Variants in NIPBL observed in about 807,000 individuals in gnomAD.
NIPBL encodes NIPBL cohesin loading factor.
In NIPBL, 19 loss-of-function variants were observed where a neutral mutation model predicts 321.8. That is an observed-to-expected ratio of 0.06 (90% CI 0.04 to 0.09). The LOEUF (loss-of-function observed/expected upper bound fraction) is 0.09. Among genes scored for constraint, NIPBL ranks in the 10% least tolerant of loss-of-function variants. The probability of loss-of-function intolerance (pLI) is 1.00; values close to 1 mark genes in which losing one functional copy is unlikely to be tolerated. For missense variants in NIPBL, 2,210 were observed against 3,327.0 expected (o/e 0.66, Z 8.26); for synonymous variants, 1,106 against 1,114.1 (o/e 0.99, Z 0.14).
chr5:36,898,995 A>G (rs1484698686), intron 1 of NIPBL, among the ~76,000 whole-genome samples: 1 of 152,204 alleles, frequency 6.6e-6, no homozygotes, highest in Non-Finnish European at 1.5e-5. Context: ...TTAAAATTGG[A>G]TTTTGATTTT....
intron 34 of NIPBL, 26 bp downstream of exon 34, chr5:37,038,764 G>C (rs201321470): frequency 1.2e-4 from 190 of 1,608,352 alleles, no homozygotes; most frequent in Non-Finnish European, 1.6e-4. Context: ...TCTTATTCTT[G>C]TATCTTACAT....
intron 1 of NIPBL, among the ~76,000 whole-genome samples, chr5:36,938,276 G>A (rs1252621076): frequency 6.6e-5 from 10 of 151,954 alleles, no homozygotes; most frequent in Non-Finnish European, 1.2e-4. Flanking sequence ...GAAGTATTTA[G>A]GGGAATGAAC....
chr5:36,913,944 T>A (rs941598679), intron 1 of NIPBL, among the ~76,000 whole-genome samples: 2 of 152,230 alleles, frequency 1.3e-5, no homozygotes, highest in African/African-American at 4.8e-5. Flanking sequence ...TTAATACAAC[T>A]AGGGTTTATT....
chr5:37,064,383 C>T (rs966094758), intron 46 of NIPBL, 144 bp from the exon 47 acceptor site: 9 of 1,522,560 alleles, frequency 5.9e-6, no homozygotes, highest in Admixed American at 2.0e-5. Context: ...CTGGCGGTCA[C>T]GGTGCGTCTC....
intron 1 of NIPBL, among the ~76,000 whole-genome samples, chr5:36,925,544 G>A (rs159141): frequency 0.14 from 21,466 of 151,964 alleles, 1,884 homozygotes; most frequent in East Asian, 0.31. Flanking sequence ...GGTATTAAAG[G>A]CATGAGCCAC....
chr5:36,985,820 A>G lies in NIPBL; in HGVS notation c.2640A>G (p.Arg880=). The G allele has an allele frequency of 6.2e-7, 1 of 1,613,956 alleles. No homozygotes were observed. Among genetic ancestry groups the G allele is most frequent in the East Asian group, 2.2e-5 (1 of 44,874 alleles). The change falls in exon 10 of 47, where the codon AGA becomes AGG. Residue 880 remains arginine, a synonymous_variant. Coordinates refer to ENST00000282516, the MANE Select transcript of NIPBL (RefSeq NM_133433.4). The part of the protein sequence containing the change: ...HRHESGDSRE[R]PSSGEQKSRP... ...ATGAATCAGGGGACTCAAGGGAAAG[A>G]CCATCTTCTGGGGAACAAAAATCAA... is the stretch of plus-strand genomic sequence containing the variant.
intron 42 of NIPBL, among the ~76,000 whole-genome samples, chr5:37,053,143 G>A (rs905669786): frequency 3.3e-5 from 5 of 152,112 alleles, no homozygotes; most frequent in African/African-American, 4.8e-5. Flanking sequence ...ATAGTTAGGC[G>A]ATTTCTTTGT....
intron 10 of NIPBL, among the ~76,000 whole-genome samples, chr5:36,992,447 C>T (rs1292634610): frequency 6.6e-6 from 1 of 152,264 alleles, no homozygotes; most frequent in Non-Finnish European, 1.5e-5. Flanking sequence ...CCAATTATGT[C>T]ATACAGATAA....
intron 42 of NIPBL, among the ~76,000 whole-genome samples, 156 bp from the exon 43 acceptor site, chr5:37,057,030 T>G (rs1754167888): frequency 1.3e-5 from 2 of 151,992 alleles, no homozygotes; most frequent in African/African-American, 4.8e-5. Context: ...TCCCTCTGTC[T>G]CTCTGTGTCT....
intron 4 of NIPBL, among the ~76,000 whole-genome samples, chr5:36,959,300 C>T (rs1437454367): frequency 1.3e-5 from 2 of 152,218 alleles, no homozygotes; most frequent in East Asian, 1.9e-4. Flanking sequence ...GCTTCCCATT[C>T]TGTTTCCTTT....
At chr5:36,990,998 A>C (rs1361225989) in intron 10 of NIPBL, among the ~76,000 whole-genome samples, 1 of 152,082 alleles carries the variant, frequency 6.6e-6, no homozygotes, top group African/African-American at 2.4e-5. Flanking sequence ...TATTCTAAAA[A>C]AAAAAAATTT....
intron 32 of NIPBL, among the ~76,000 whole-genome samples, chr5:37,028,481 C>T (rs1750582086): frequency 6.6e-6 from 1 of 151,884 alleles, no homozygotes; most frequent in African/African-American, 2.4e-5. Flanking sequence ...GCTGGGGTTA[C>T]AGGCACTTGC....
At chr5:37,044,518 A>G (rs1402004287) in intron 35 of NIPBL, 31 bp downstream of exon 35, 2 of 1,608,630 alleles carry the variant, frequency 1.2e-6, no homozygotes, top group African/African-American at 2.7e-5. Flanking sequence ...TTCTTTATTC[A>G]TTAGTGTAAA....
intron 3 of NIPBL, among the ~76,000 whole-genome samples, chr5:36,956,543 GT>G (rs1044332098): frequency 3.3e-5 from 5 of 149,382 alleles, no homozygotes; most frequent in Non-Finnish European, 7.4e-5. Context: ...GAAATGATTG[GT>G]TAAAATCAGA....
intron 1 of NIPBL, among the ~76,000 whole-genome samples, chr5:36,887,417 A>G (rs1191994764): frequency 6.6e-6 from 1 of 152,208 alleles, no homozygotes; most frequent in Non-Finnish European, 1.5e-5. Context: ...CCTCTCTTCC[A>G]ATGATTAAAG....
chr5:37,049,287 A>T lies in NIPBL; in HGVS notation c.6940A>T (p.Ile2314Phe). Residue 2314 changes from isoleucine to phenylalanine, a missense_variant, in exon 40 of 47, where the codon ATT becomes TTT. This residue lies in a region of NIPBL where 112 missense variants were observed against 288.3 expected (regional missense o/e 0.39). Transcript: ENST00000282516. ...VIALTLNQGLIHPVQCVPYLI... is the reference protein window; with the variant it reads ...VIALTLNQGLFHPVQCVPYLI... ...TGCATTGACTCTAAATCAAGGTCTT[A>T]TTCATCCAGTTCAGGTAAGCATGTT... 1 of 1,614,090 alleles carries T rather than the reference A, an allele frequency of 6.2e-7. No homozygotes were observed. Among genetic ancestry groups the T allele is most frequent in the Non-Finnish European group, 8.5e-7 (1 of 1,179,984 alleles).
intron 8 of NIPBL, among the ~76,000 whole-genome samples, chr5:36,972,916 A>T (rs1305101505): frequency 6.6e-6 from 1 of 152,132 alleles, no homozygotes; most frequent in East Asian, 1.9e-4. Context: ...GCCCTCCCCT[A>T]ATCTCCTCAA....
chr5:37,058,433 A>G (rs1267436443), intron 43 of NIPBL, among the ~76,000 whole-genome samples: 4 of 152,224 alleles, frequency 2.6e-5, no homozygotes, highest in Non-Finnish European at 5.9e-5. Context: ...GTACAAAGAA[A>G]CAGGATTTAA....
rs1352529530 is a variant in NIPBL at position 36,933,431 on chromosome 5, T to G, written c.-79-20187T>G. On this transcript the variant is annotated intron_variant, in intron 1 of 46. Transcript: ENST00000282516. Reference sequence around the variant, plus strand: ...TATATAGTGGTTATTCAAAACTTACTCATATATTATTTGCTGACATCTGAT... The same window carrying G: ...TATATAGTGGTTATTCAAAACTTACGCATATATTATTTGCTGACATCTGAT... Among the ~76,000 whole-genome samples the G allele has an allele frequency of 3.3e-5, 5 of 152,244 alleles. No homozygotes were observed. The East Asian group carries it at 9.7e-4, about 29-fold the overall frequency.
Sources: gnomAD v4.1 joint callset for allele counts (sites outside exome capture counted in the v4.1 genomes callset) on GRCh38, gnomAD v4.1.1 for gene constraint, gnomAD v4.1.1 regional missense constraint, MANE v1.5 for transcripts, NCBI Gene and HGNC (gene_info 2026-07-23, HGNC 2026-07-21) for gene names.